Variants in DAB1 observed in about 807,000 individuals in gnomAD.
DAB1 encodes the protein DAB adaptor protein 1.
DAB1 carries 15 observed loss-of-function variants against 64.6 expected under a neutral mutation model. That is an observed-to-expected ratio of 0.23 (90% CI 0.16 to 0.36). The LOEUF (loss-of-function observed/expected upper bound fraction) is 0.36, where lower values mean the gene tolerates loss of function less well. DAB1 is among the 10% of genes least tolerant of loss of function. DAB1 has a pLI of 1.00. For missense variants in DAB1, 596 were observed against 706.7 expected, an observed-to-expected ratio of 0.84 and a Z score of 1.78; for synonymous variants, 235 against 251.9, an observed-to-expected ratio of 0.93 and a Z score of 0.64.
At chr1:57,893,227 G>A (rs1011026122) in intron 5 of DAB1, among the ~76,000 whole-genome samples, 1 of 151,954 alleles carries the variant, frequency 6.6e-6, no homozygotes, top group African/African-American at 2.4e-5. Flanking sequence ...GGGACTAAAG[G>A]GGATTTTAAC....
intron 1 of DAB1, among the ~76,000 whole-genome samples, chr1:58,534,658 G>C (rs955920181): frequency 2.0e-5 from 3 of 152,168 alleles, no homozygotes; most frequent in African/African-American, 7.2e-5. Context: ...CCTAGGCCAG[G>C]GCAAGATGGC....
chr1:57,363,705 A>G (rs184064261), intron 1 of DAB1, among the ~76,000 whole-genome samples: 1 of 152,274 alleles, frequency 6.6e-6, no homozygotes, highest in Non-Finnish European at 1.5e-5. Flanking sequence ...AGTCACTGGA[A>G]GGCAGGGAGA....
intron 6 of DAB1, among the ~76,000 whole-genome samples, chr1:57,783,107 T>TTTC (rs1167692510): frequency 1.1e-4 from 1 of 8,736 alleles, no homozygotes; most frequent in Non-Finnish European, 2.7e-4. Context: ...CTCTCTTTTC[T>TTTC]TTTTTTTTTT....
intron 7 of DAB1, among the ~76,000 whole-genome samples, chr1:57,580,829 T>G (rs138259350): frequency 6.6e-6 from 1 of 152,202 alleles, no homozygotes; most frequent in Non-Finnish European, 1.5e-5. Context: ...AGTATACAAA[T>G]GGGTTAGTTG....
intron 4 of DAB1, among the ~76,000 whole-genome samples, chr1:57,105,064 A>G (rs1251550333): frequency 6.6e-6 from 1 of 152,168 alleles, no homozygotes; most frequent in African/African-American, 2.4e-5. Context: ...CAGATGAAGG[A>G]AAAACAGGGG....
chr1:57,245,783 T>A (rs1668825474), intron 2 of DAB1, among the ~76,000 whole-genome samples: 1 of 152,360 alleles, frequency 6.6e-6, no homozygotes, highest in Non-Finnish European at 1.5e-5. Flanking sequence ...TTATAATCCT[T>A]TGGGTATATA....
chr1:58,043,734 A>G (rs1274204470), intron 5 of DAB1, among the ~76,000 whole-genome samples: 1 of 147,620 alleles, frequency 6.8e-6, no homozygotes, highest in African/African-American at 2.5e-5. Flanking sequence ...CACAACCCAC[A>G]TTTTTTTTTT....
chr1:58,253,253 C>T (rs1557715857), intron 4 of DAB1, among the ~76,000 whole-genome samples: 1 of 152,226 alleles, frequency 6.6e-6, no homozygotes. Flanking sequence ...TAAGGATTTG[C>T]TCATTTATCT....
At chr1:57,964,168 T>A (rs997447774) in intron 5 of DAB1, among the ~76,000 whole-genome samples, 5 of 151,940 alleles carry the variant, frequency 3.3e-5, no homozygotes, top group Non-Finnish European at 7.4e-5. Context: ...CTAGAGAGAG[T>A]TGATGCTCTC....
intron 6 of DAB1, among the ~76,000 whole-genome samples, chr1:57,819,811 G>A (rs1183834238): frequency 6.6e-6 from 1 of 152,094 alleles, no homozygotes; most frequent in East Asian, 1.9e-4. Flanking sequence ...AGGCACCAAA[G>A]GGGAATAGCA....
chr1:57,439,418 G>GTTTTTTTTTTTTTTTTTTTTTTGTTTTTT, intron 7 of DAB1, among the ~76,000 whole-genome samples: 6 of 116,164 alleles, frequency 5.2e-5, no homozygotes, highest in East Asian at 3.0e-4. Context: ...TGGTGATGAG[G>GTTTTTTTTTTTTTTTTTTTTTTGTTTTTT]TTTTTTCTTT....
At chr1:57,539,774 A>C (rs1423374796) in intron 7 of DAB1, among the ~76,000 whole-genome samples, 1 of 152,222 alleles carries the variant, frequency 6.6e-6, no homozygotes, top group African/African-American at 2.4e-5. Context: ...ACTTGTACAT[A>C]AATAATGAAG....
At chr1:58,011,473 G>T (rs879301596) in intron 5 of DAB1, among the ~76,000 whole-genome samples, 30 of 152,158 alleles carry the variant, frequency 2.0e-4, no homozygotes, top group Non-Finnish European at 4.1e-4. Flanking sequence ...CAGAGTGGTT[G>T]AGTAGTTTGT....
At chr1:58,209,136 G>T (rs1038596353) in intron 4 of DAB1, among the ~76,000 whole-genome samples, 2 of 152,170 alleles carry the variant, frequency 1.3e-5, no homozygotes, top group Middle Eastern at 3.2e-3. Context: ...ATAATGTGGG[G>T]ATCTAAAGGC....
intron 3 of DAB1, among the ~76,000 whole-genome samples, chr1:58,464,057 C>T (rs1425700899): frequency 6.6e-6 from 1 of 152,190 alleles, no homozygotes; most frequent in Non-Finnish European, 1.5e-5. Flanking sequence ...AGAGCCTGGG[C>T]TGTAAGGAGG....
intron 2 of DAB1, among the ~76,000 whole-genome samples, chr1:58,519,263 A>C (rs1646223016): frequency 6.6e-6 from 1 of 152,170 alleles, no homozygotes; most frequent in Non-Finnish European, 1.5e-5. Flanking sequence ...GGCACTTGGT[A>C]GGTTATATAT....
chr1:57,925,310 A>C (rs941804435), intron 5 of DAB1, among the ~76,000 whole-genome samples: 1 of 152,226 alleles, frequency 6.6e-6, no homozygotes, highest in African/African-American at 2.4e-5. Flanking sequence ...ATGTCATGAG[A>C]ACCTTTTCAA....
intron 3 of DAB1, among the ~76,000 whole-genome samples, chr1:58,491,922 A>C (rs1645700310): frequency 6.6e-6 from 1 of 152,206 alleles, no homozygotes; most frequent in Non-Finnish European, 1.5e-5. Flanking sequence ...GACCTAATAG[A>C]CATCTACAGA....
intron 2 of DAB1, among the ~76,000 whole-genome samples, chr1:57,229,747 A>C (rs1335687822): frequency 3.3e-5 from 5 of 152,136 alleles, no homozygotes; most frequent in African/African-American, 1.2e-4. Context: ...ATTGTCCCAA[A>C]ATTATATTTC....
Sources: allele counts gnomAD v4.1 joint callset (sites outside exome capture counted in the v4.1 genomes callset), GRCh38; gene constraint gnomAD v4.1.1; transcripts MANE v1.5; gene names NCBI Gene and HGNC (gene_info 2026-07-23, HGNC 2026-07-21).